YBX3: variants seen among roughly 807,000 people sequenced by gnomAD.
YBX3 encodes the protein Y-box binding protein 3.
Under a neutral mutation model 42.4 loss-of-function variants are expected in YBX3, and 29 were observed. The ratio of observed to expected loss-of-function variants is 0.68; its 90% confidence interval spans 0.51 to 0.93. YBX3 has a LOEUF of 0.93. Among genes scored for constraint, YBX3 ranks in the 40% least tolerant of loss-of-function variants. YBX3 has a pLI of 0.00. For synonymous variants in YBX3, 195 were observed against 189.8 expected (o/e 1.03, Z -0.22); for missense variants, 517 against 527.5 (o/e 0.98, Z 0.19).
intron 1 of YBX3, chr12:10,720,943 G>C (rs1482601927): frequency 6.6e-6 from 1 of 152,202 alleles, no homozygotes; most frequent in Non-Finnish European, 1.5e-5. Flanking sequence ...CTAAGGGGAA[G>C]GGTTGGGGAG....
chr12:10,720,492 C>A (rs554480861), intron 1 of YBX3, among the ~76,000 whole-genome samples: 1 of 150,630 alleles, frequency 6.6e-6, no homozygotes, highest in East Asian at 2.1e-4. Context: ...GGCCATCTTA[C>A]GTTTGAGGCC....
intron 4 of YBX3, 79 bp from the exon 5 acceptor site, chr12:10,713,412 G>A: frequency 2.7e-6 from 4 of 1,480,550 alleles, no homozygotes; most frequent in South Asian, 1.3e-5. Flanking sequence ...GACTGCTAGA[G>A]TATAAGACTG....
intron 1 of YBX3, chr12:10,722,067 C>T (rs1279179805): frequency 1.3e-5 from 2 of 152,252 alleles, no homozygotes; most frequent in Admixed American, 6.5e-5. Context: ...AACGTCATAC[C>T]CCCACTTCCG....
chr12:10,714,594 T>C (rs1266360928), intron 4 of YBX3, among the ~76,000 whole-genome samples: 1 of 152,106 alleles, frequency 6.6e-6, no homozygotes, highest in Non-Finnish European at 1.5e-5. Context: ...CTTCCCAAAA[T>C]CCAAGCCAAA....
intron 6 of YBX3, 193 bp from the exon 7 acceptor site, chr12:10,704,341 G>T: frequency 1.9e-6 from 1 of 522,630 alleles, no homozygotes; most frequent in Non-Finnish European, 3.4e-6. Context: ...GACAAACCTA[G>T]TCTGACTAGA....
At chr12:10,703,914 G>A in intron 7 of YBX3, 137 bp downstream of exon 7, 1 of 748,334 alleles carries the variant, frequency 1.3e-6, no homozygotes. Context: ...ACCACCACCT[G>A]AAAACTCTGG....
chr12:10,700,937 C>T (rs2120894475), intron 9 of YBX3, among the ~76,000 whole-genome samples: 1 of 152,204 alleles, frequency 6.6e-6, no homozygotes, highest in East Asian at 1.9e-4. Flanking sequence ...TTACTAAAAC[C>T]AGGCCTTTGT....
At position 10,710,034 on chromosome 12, in the gene YBX3, C is replaced by T. The variant is rs1308195258; in HGVS notation, c.654G>A (p.Gly218=). 2.5e-6 allele frequency: 4 copies of T among 1,614,044 alleles called. No homozygotes were observed. The Admixed American group carries it at 5.0e-5, about 20-fold the overall frequency. The change falls in exon 6 of 10, where the codon GGG becomes GGA. Residue 218 remains glycine, a synonymous_variant. Transcript: ENST00000228251. The part of the protein sequence containing the change: ...DPPATDRQFS[G]ARNQLRRPQY... ...GGGGGCGGCGCAGCTGATTCCGGGC[C>T]CCAGAGAACTGCCTATCAGTGGCAG...
chr12:10,717,975 A>G (rs2120978898), intron 3 of YBX3, 113 bp downstream of exon 3: 2 of 866,864 alleles, frequency 2.3e-6, no homozygotes, highest in Non-Finnish European at 3.4e-6. Flanking sequence ...TAAATCACAG[A>G]AAGAGTTTAG....
intron 2 of YBX3, 45 bp downstream of exon 2, chr12:10,719,035 A>G (rs1226858540): frequency 6.4e-7 from 1 of 1,567,322 alleles, no homozygotes; most frequent in Admixed American, 1.7e-5. Context: ...TGGTGCCACA[A>G]TGTAAGTATA....
intron 6 of YBX3, 101 bp downstream of exon 6, chr12:10,709,807 A>C: frequency 7.1e-7 from 1 of 1,409,302 alleles, no homozygotes; most frequent in East Asian, 2.3e-5. Context: ...AGCCATAAGC[A>C]AGGTTTCTGG....
intron 6 of YBX3, among the ~76,000 whole-genome samples, chr12:10,709,189 C>T (rs568100697): frequency 9.2e-5 from 14 of 152,218 alleles, no homozygotes; most frequent in Admixed American, 3.3e-4. Context: ...GAAACCCCAA[C>T]GACACTGAGG....
At chr12:10,709,795 G>C in intron 6 of YBX3, 113 bp downstream of exon 6, 1 of 1,290,320 alleles carries the variant, frequency 7.8e-7, no homozygotes, top group Non-Finnish European at 1.1e-6. Context: ...GTAGCATCAG[G>C]AAGCCATAAG....
At chr12:10,708,079 T>A (rs920014655) in intron 6 of YBX3, among the ~76,000 whole-genome samples, 7 of 152,160 alleles carry the variant, frequency 4.6e-5, no homozygotes, top group Admixed American at 1.3e-4. Flanking sequence ...ACAACTAAAG[T>A]AAGAACCGAT....
chr12:10,718,003 T>C (rs890434828), intron 3 of YBX3, 85 bp downstream of exon 3: 10 of 1,153,726 alleles, frequency 8.7e-6, no homozygotes, highest in Admixed American at 2.2e-5. Context: ...TAATAATCCA[T>C]AGGACTTACT....
chr12:10,703,828 A>T lies in YBX3; in HGVS notation c.878+223T>A. ...TAAGTATTAATTTACATCTTATTAT[A>T]ATTCCAGAATACAAAATGACGCTTT... On this transcript the variant is annotated intron_variant, in intron 7 of 9. Transcript: ENST00000228251. The T allele has an allele frequency of 1.0e-5, 5 of 496,328 alleles. No homozygotes were observed. In the South Asian group the frequency reaches 1.5e-4, roughly 15 times the overall value. 30.7% of individuals were successfully genotyped at this position (496,328 alleles called of 1,614,324 possible).
chr12:10,716,816 C>A (rs1178900883), intron 3 of YBX3, among the ~76,000 whole-genome samples: 2 of 152,124 alleles, frequency 1.3e-5, no homozygotes, highest in South Asian at 2.1e-4. Context: ...TTCAGCCATT[C>A]CAAAAACAGC....
chr12:10,702,283 G>A (rs770449489), intron 7 of YBX3, 149 bp from the exon 8 acceptor site: 2 of 620,640 alleles, frequency 3.2e-6, no homozygotes, highest in Non-Finnish European at 4.9e-6. Context: ...CACTTCAGGA[G>A]GCTGAGGCAG....
intron 6 of YBX3, among the ~76,000 whole-genome samples, chr12:10,708,113 A>T (rs1948157908): frequency 6.6e-6 from 1 of 152,230 alleles, no homozygotes; most frequent in African/African-American, 2.4e-5. Context: ...CACCTGGTAG[A>T]TGCCACAATG....
Sources: allele counts gnomAD v4.1 joint callset (sites outside exome capture counted in the v4.1 genomes callset), GRCh38; gene constraint gnomAD v4.1.1; transcripts MANE v1.5; gene names NCBI Gene and HGNC (gene_info 2026-07-23, HGNC 2026-07-21).